PHLDB2: variants seen among roughly 807,000 people sequenced by gnomAD.
PHLDB2 encodes the protein pleckstrin homology like domain family B member 2, also known as pleckstrin homology-like domain family B member 2.
In PHLDB2, 71 loss-of-function variants were observed where a neutral mutation model predicts 123.6. That is an observed-to-expected ratio of 0.57 (90% CI 0.47 to 0.70). PHLDB2 has a LOEUF of 0.70. Ranked by LOEUF, PHLDB2 falls within the 30% of genes least tolerant of loss-of-function variation. The pLI is 0.00. For missense variants in PHLDB2, 1,446 were observed against 1,519.5 expected, an observed-to-expected ratio of 0.95 and a Z score of 0.80; for synonymous variants, 547 against 541.6, an observed-to-expected ratio of 1.01 and a Z score of -0.14.
chr3:111,940,169 G>A (rs2069775705), intron 7 of PHLDB2, among the ~76,000 whole-genome samples: 1 of 152,184 alleles, frequency 6.6e-6, no homozygotes, highest in South Asian at 2.1e-4. Context: ...AAAGACAAGA[G>A]AAGGTGTTTT....
At chr3:111,853,450 C>T (rs2064347878) in intron 2 of PHLDB2, among the ~76,000 whole-genome samples, 1 of 152,110 alleles carries the variant, frequency 6.6e-6, no homozygotes, top group Non-Finnish European at 1.5e-5. Flanking sequence ...CAGTGTATAA[C>T]TCAATGGTCA....
chr3:111,905,278 A>C (rs77384658), intron 2 of PHLDB2, among the ~76,000 whole-genome samples: 4,220 of 152,284 alleles, frequency 0.028, 124 homozygotes, highest in South Asian at 0.12. Flanking sequence ...AGAATTCTAA[A>C]GTAGACAGTA....
At chr3:111,733,963 A>G (rs1174466011) in intron 1 of PHLDB2, among the ~76,000 whole-genome samples, 1 of 152,114 alleles carries the variant, frequency 6.6e-6, no homozygotes, top group African/African-American at 2.4e-5. Flanking sequence ...GTAATGTTTG[A>G]CATTATTTTT....
chr3:111,867,296 A>G (rs138658764), intron 1 of PHLDB2, among the ~76,000 whole-genome samples: 19 of 152,318 alleles, frequency 1.2e-4, no homozygotes, highest in Non-Finnish European at 2.2e-4. Context: ...GTCAGCTACT[A>G]TAATTTTTAA....
intron 2 of PHLDB2, chr3:111,846,337 G>A (rs757616754): frequency 2.3e-5 from 4 of 171,912 alleles, no homozygotes; most frequent in Non-Finnish European, 5.1e-5. Flanking sequence ...TCTGAGGAGG[G>A]AGGAGGCTCC....
rs865895399 is a variant in PHLDB2, at chr3:111,894,180, G to C, written c.1335+8768G>C. ...GCGGTGTTTGGTTTTTTGTTCTTGCGATAGTTTACTGAGAATGATGATTTC... is the reference window on the plus strand; with the variant it reads ...GCGGTGTTTGGTTTTTTGTTCTTGCCATAGTTTACTGAGAATGATGATTTC... On this transcript the variant is annotated intron_variant, in intron 2 of 17. Coordinates refer to ENST00000431670, the MANE Select transcript of PHLDB2 (RefSeq NM_001134438.2). Among the ~76,000 whole-genome samples the C allele has an allele frequency of 1.4e-3, 214 of 149,828 alleles. 1 individual carries two copies. Among genetic ancestry groups the C allele is most frequent in the African/African-American group, 5.1e-3 (206 of 40,680 alleles).
chr3:111,751,030 G>GT (rs1003842353), intron 1 of PHLDB2, among the ~76,000 whole-genome samples: 1 of 151,716 alleles, frequency 6.6e-6, no homozygotes, highest in Non-Finnish European at 1.5e-5. Flanking sequence ...CCCAAACTGT[G>GT]TTTTTTAAAT....
At chr3:111,910,601 C>A (rs1351152556) in intron 2 of PHLDB2, among the ~76,000 whole-genome samples, 1 of 152,160 alleles carries the variant, frequency 6.6e-6, no homozygotes, top group Non-Finnish European at 1.5e-5. Context: ...ACAGTGCCCT[C>A]TTTGATTCTT....
chr3:111,786,770 A>G (rs976601790), intron 1 of PHLDB2, among the ~76,000 whole-genome samples: 5 of 152,100 alleles, frequency 3.3e-5, no homozygotes, highest in African/African-American at 1.2e-4. Flanking sequence ...AAATATCATT[A>G]CCAGATGATC....
intron 1 of PHLDB2, among the ~76,000 whole-genome samples, chr3:111,766,898 G>A (rs1014999906): frequency 6.6e-6 from 1 of 152,012 alleles, no homozygotes; most frequent in Non-Finnish European, 1.5e-5. Flanking sequence ...AGGTGTGGTG[G>A]CACGTGCCTG....
chr3:111,852,589 T>C (rs1336334286), intron 2 of PHLDB2, among the ~76,000 whole-genome samples: 2 of 152,106 alleles, frequency 1.3e-5, no homozygotes, highest in African/African-American at 4.8e-5. Context: ...TATCGAGGAA[T>C]ACTGCTGTTA....
At chr3:111,807,650 T>G (rs2061653010) in intron 1 of PHLDB2, among the ~76,000 whole-genome samples, 1 of 152,142 alleles carries the variant, frequency 6.6e-6, no homozygotes, top group Non-Finnish European at 1.5e-5. Flanking sequence ...TCCTGACTAC[T>G]CAGGAAGCTG....
intron 6 of PHLDB2, 126 bp downstream of exon 6, chr3:111,932,523 C>A: frequency 1.0e-6 from 1 of 970,792 alleles, no homozygotes; most frequent in Non-Finnish European, 1.5e-6. Flanking sequence ...TCATTAGATA[C>A]GTTTAAATGG....
intron 1 of PHLDB2, among the ~76,000 whole-genome samples, chr3:111,768,213 C>A (rs1477613377): frequency 1.3e-5 from 2 of 151,950 alleles, no homozygotes; most frequent in Admixed American, 1.3e-4. Context: ...AACTGGATTG[C>A]AAGAAGAAGA....
chr3:111,920,291 G>C lies in PHLDB2; in HGVS notation c.1873G>C (p.Glu625Gln). Reference protein sequence around the residue: ...MDESFRELDMECALLDGEQKS... With the variant: ...MDESFRELDMQCALLDGEQKS... ...TGGTTTGTGTCCTTAGTTGGATATG[G>C]AATGTGCTCTTTTGGATGGAGAACA... Residue 625 changes from glutamate (E) to glutamine (Q), a missense_variant, in exon 5 of 18, where the codon GAA becomes CAA. By Grantham distance (29) the Glu-to-Gln change is conservative. Around this residue, in one of 3 missense-constraint regions of PHLDB2, gnomAD observed 832 missense variants for 831.9 expected, o/e 1.00. Transcript: ENST00000431670. 1 of 1,613,590 alleles carries C rather than the reference G, an allele frequency of 6.2e-7. No individual in the cohort carries two copies. The highest frequency in any genetic ancestry group is 2.2e-5 in the East Asian group (1 of 44,874).
chr3:111,753,678 CT>C (rs1187969389), intron 1 of PHLDB2, among the ~76,000 whole-genome samples: 3 of 152,096 alleles, frequency 2.0e-5, no homozygotes, highest in Non-Finnish European at 4.4e-5. Flanking sequence ...TGAATTTTGG[CT>C]TTTGTTGCCA....
At chr3:111,900,010 T>C (rs2067099138) in intron 2 of PHLDB2, among the ~76,000 whole-genome samples, 1 of 152,246 alleles carries the variant, frequency 6.6e-6, no homozygotes, top group Non-Finnish European at 1.5e-5. Flanking sequence ...TTTGCACTTT[T>C]ATGTTATGGA....
chr3:111,778,726 C>T (rs1354193228), intron 1 of PHLDB2, among the ~76,000 whole-genome samples: 2 of 151,978 alleles, frequency 1.3e-5, no homozygotes, highest in East Asian at 1.9e-4. Flanking sequence ...TCTCTACTTT[C>T]TACCCAGGGC....
chr3:111,954,037 C>T lies in PHLDB2; in HGVS notation c.2872+8C>T, dbSNP rs1204158665. The T allele has an allele frequency of 1.9e-6, 3 of 1,608,722 alleles. No individual in the cohort carries two copies. In the African/African-American group the frequency reaches 4.0e-5, roughly 22 times the overall value. ...CTCGGAGGATGCTCAGAGGTACGTA[C>T]CTTTTAAATCAAGTGTCATGGCCTT... On this transcript the variant is annotated splice_region_variant and intron_variant, in intron 12 of 17. Transcript: ENST00000431670.
Sources: allele counts gnomAD v4.1 joint callset (sites outside exome capture counted in the v4.1 genomes callset), GRCh38; gene constraint gnomAD v4.1.1; regional missense constraint gnomAD v4.1.1; transcripts MANE v1.5; gene names NCBI Gene and HGNC (gene_info 2026-07-23, HGNC 2026-07-21).